Variants in ADAMTS3 observed in about 807,000 individuals in gnomAD.
ADAMTS3 encodes A disintegrin and metalloproteinase with thrombospondin motifs 3.
A neutral mutation model predicts 129.0 loss-of-function variants in ADAMTS3; 73 were observed. The ratio of observed to expected loss-of-function variants is 0.57; its 90% confidence interval spans 0.47 to 0.69. The LOEUF is 0.69. Ranked by LOEUF, ADAMTS3 falls within the 30% of genes least tolerant of loss-of-function variation. The pLI is 0.00. For synonymous variants in ADAMTS3, 477 were observed against 510.8 expected, an observed-to-expected ratio of 0.93 and a Z score of 0.89; for missense variants, 1,457 against 1,514.5, an observed-to-expected ratio of 0.96 and a Z score of 0.63.
intron 4 of ADAMTS3, among the ~76,000 whole-genome samples, chr4:72,374,175 C>G (rs1378609708): frequency 6.6e-6 from 1 of 151,838 alleles, no homozygotes; most frequent in African/African-American, 2.4e-5. Flanking sequence ...TAAAAAAGTA[C>G]ACACTTTGTA....
At chr4:72,562,222 G>T (rs1168947577) in intron 2 of ADAMTS3, among the ~76,000 whole-genome samples, 4 of 152,114 alleles carry the variant, frequency 2.6e-5, no homozygotes, top group African/African-American at 9.7e-5. Flanking sequence ...TCAAAAAGAA[G>T]AAAGAAATAA....
At chr4:72,482,986 A>G (rs1704398572) in intron 3 of ADAMTS3, among the ~76,000 whole-genome samples, 2 of 152,212 alleles carry the variant, frequency 1.3e-5, no homozygotes, top group Admixed American at 1.3e-4. Context: ...GCAAACTAAA[A>G]TTAGAAGGCC....
At chr4:72,321,394 G>T (rs1426791261) in intron 6 of ADAMTS3, among the ~76,000 whole-genome samples, 1 of 151,738 alleles carries the variant, frequency 6.6e-6, no homozygotes, top group Non-Finnish European at 1.5e-5. Context: ...TGTTGGCCAG[G>T]CTGGTCACAA....
intron 18 of ADAMTS3, 150 bp from the exon 19 acceptor site, chr4:72,295,936 G>C: frequency 1.1e-6 from 1 of 926,650 alleles, no homozygotes; most frequent in Non-Finnish European, 1.6e-6. Flanking sequence ...GGTGCTGAAG[G>C]TCCCAAAGAA....
intron 4 of ADAMTS3, among the ~76,000 whole-genome samples, chr4:72,361,944 A>G (rs1041710001): frequency 6.6e-6 from 1 of 152,086 alleles, no homozygotes; most frequent in African/African-American, 2.4e-5. Context: ...GTGTTTTGTT[A>G]CAAATTCTGT....
intron 3 of ADAMTS3, among the ~76,000 whole-genome samples, chr4:72,448,297 G>A (rs1398098200): frequency 6.6e-6 from 1 of 151,738 alleles, no homozygotes; most frequent in Non-Finnish European, 1.5e-5. Context: ...ATCTATATAA[G>A]TAGGCAGTGA....
intron 4 of ADAMTS3, among the ~76,000 whole-genome samples, chr4:72,365,754 A>C (rs1043547106): frequency 4.6e-5 from 7 of 152,210 alleles, no homozygotes; most frequent in Non-Finnish European, 8.8e-5. Flanking sequence ...AACTGAACCA[A>C]TATCTGATGC....
intron 3 of ADAMTS3, among the ~76,000 whole-genome samples, chr4:72,464,903 C>T (rs185959880): frequency 3.9e-4 from 59 of 152,046 alleles, no homozygotes; most frequent in Non-Finnish European, 7.1e-4. Context: ...AAGGAGCCAC[C>T]CTCACAGGAG....
At chr4:72,305,766 CACAT>C (rs1381279898) in intron 16 of ADAMTS3, among the ~76,000 whole-genome samples, 1 of 151,594 alleles carries the variant, frequency 6.6e-6, no homozygotes, top group Admixed American at 6.6e-5. Context: ...CACATGTACA[CACAT>C]ATACACATGC....
At chr4:72,556,578 C>T (rs1179307141) in intron 2 of ADAMTS3, among the ~76,000 whole-genome samples, 1 of 151,706 alleles carries the variant, frequency 6.6e-6, no homozygotes, top group African/African-American at 2.4e-5. Context: ...GTGATTGATG[C>T]ATATGGCTCC....
chr4:72,478,717 A>T (rs1375387707), intron 3 of ADAMTS3, among the ~76,000 whole-genome samples: 1 of 151,040 alleles, frequency 6.6e-6, no homozygotes, highest in Admixed American at 6.6e-5. Context: ...AGAAGGAAAT[A>T]AAGGGTATTC....
intron 4 of ADAMTS3, among the ~76,000 whole-genome samples, chr4:72,397,056 A>G (rs1721742978): frequency 6.6e-6 from 1 of 151,770 alleles, no homozygotes; most frequent in Non-Finnish European, 1.5e-5. Flanking sequence ...CTGGATTAGT[A>G]CTCCAGGGAA....
intron 21 of ADAMTS3, among the ~76,000 whole-genome samples, chr4:72,284,362 G>A (rs760701503): frequency 8.6e-5 from 13 of 151,340 alleles, no homozygotes; most frequent in South Asian, 4.2e-4. Flanking sequence ...GGAGAGTGGC[G>A]TGAACCCAGG....
At chr4:72,519,753 A>C (rs1578756457) in intron 3 of ADAMTS3, among the ~76,000 whole-genome samples, 1 of 152,198 alleles carries the variant, frequency 6.6e-6, no homozygotes, top group East Asian at 1.9e-4. Context: ...ATTTTTTTCA[A>C]AGTTTTCAAC....
chr4:72,471,902 G>A (rs189275747), intron 3 of ADAMTS3, among the ~76,000 whole-genome samples: 6 of 151,890 alleles, frequency 4.0e-5, no homozygotes, highest in African/African-American at 1.4e-4. Flanking sequence ...AGACTATAAG[G>A]GCCCTAAAGT....
At chr4:72,496,742 TG>T (rs1448012087) in intron 3 of ADAMTS3, among the ~76,000 whole-genome samples, 5 of 151,914 alleles carry the variant, frequency 3.3e-5, no homozygotes, top group Admixed American at 2.0e-4. Flanking sequence ...TATAAGAGAG[TG>T]GTAATCCAAT....
At chr4:72,286,183 T>C (rs1718501015) in intron 21 of ADAMTS3, among the ~76,000 whole-genome samples, 1 of 152,214 alleles carries the variant, frequency 6.6e-6, no homozygotes. Context: ...TTGCTAACCA[T>C]TGGGCACGTC....
intron 3 of ADAMTS3, among the ~76,000 whole-genome samples, chr4:72,458,671 T>A (rs1475753887): frequency 6.6e-6 from 1 of 151,550 alleles, no homozygotes; most frequent in Non-Finnish European, 1.5e-5. Flanking sequence ...GTGACATAAT[T>A]TTTCACACAC....
rs1718787890 is a variant in ADAMTS3, at chr4:72,295,705, T to C, written c.2672A>G (p.Lys891Arg). 1 of 1,613,056 alleles carries C rather than the reference T, an allele frequency of 6.2e-7. No homozygotes were observed. The highest frequency in any genetic ancestry group is 1.3e-5 in the African/African-American group (1 of 75,006). The change falls in exon 19 of 22, where the codon AAG (lysine) becomes AGG (arginine). Residue 891 changes from lysine to arginine, a missense_variant. Transcript: ENST00000286657. ...GCACATTCGTCTAATAGGTTTCGGC[T>C]TTTTGTTGGCCTCACAGAAGCTGCG... is the stretch of plus-strand genomic sequence containing the variant. ...VHRSFCEANK[K>R]PKPIRRMCNI...
Sources: allele counts gnomAD v4.1 joint callset (sites outside exome capture counted in the v4.1 genomes callset), GRCh38; gene constraint gnomAD v4.1.1; transcripts MANE v1.5; gene names NCBI Gene and HGNC (gene_info 2026-07-23, HGNC 2026-07-21).